The following MID1 variants were observed in gnomAD, a reference collection of about 807,000 sequenced individuals.
MID1 encodes midline 1.
In MID1, 7 loss-of-function variants were observed where a neutral mutation model predicts 40.4. That is an observed-to-expected ratio of 0.17 (90% CI 0.10 to 0.33). MID1 has a LOEUF of 0.33. MID1 is among the 10% of genes least tolerant of loss of function. The probability of loss-of-function intolerance (pLI) is 1.00; values close to 1 mark genes in which losing one functional copy is unlikely to be tolerated. For synonymous variants in MID1, 229 were observed against 221.2 expected, an observed-to-expected ratio of 1.04 and a Z score of -0.31; for missense variants, 367 against 558.5, an observed-to-expected ratio of 0.66 and a Z score of 3.46.
chrX:10,516,647 C>T (rs1932462331), intron 3 of MID1, among the ~76,000 whole-genome samples: 2 of 108,994 alleles, frequency 1.8e-5, no homozygotes, highest in Non-Finnish European at 3.8e-5. Context: ...GACAGGGTCT[C>T]ACTCTGTCAC....
intron 1 of MID1, among the ~76,000 whole-genome samples, chrX:10,645,470 A>G (rs1426977653): frequency 2.7e-5 from 3 of 112,380 alleles, no homozygotes; most frequent in African/African-American, 9.7e-5. Flanking sequence ...TTGGTGCAAG[A>G]GTAGACTACA....
At position 10,446,000 on chromosome X, in the gene MID1, C is replaced by G. The variant is rs1928020601; in HGVS notation, c.*3368G>C. Reference sequence around the variant, plus strand: ...CTGTTGATATTTGAGCAAGACAACTCTTCGTGGTCGGGGGCTGCGCTTGCA... The same window carrying G: ...CTGTTGATATTTGAGCAAGACAACTGTTCGTGGTCGGGGGCTGCGCTTGCA... On this transcript the variant is annotated 3_prime_UTR_variant, in exon 10 of 10. Coordinates refer to ENST00000317552, the MANE Select transcript of MID1 (RefSeq NM_000381.4). 1 of 111,354 alleles carries G rather than the reference C, an allele frequency of 9.0e-6. No homozygotes were observed. Among genetic ancestry groups the G allele is most frequent in the Admixed American group, 9.5e-5 (1 of 10,473 alleles). 9.2% of individuals were successfully genotyped at this position (111,354 alleles called of 1,213,427 possible).
intron 1 of MID1, among the ~76,000 whole-genome samples, chrX:10,746,786 ATAAG>A (rs2043560575): frequency 9.2e-6 from 1 of 109,086 alleles, no homozygotes; most frequent in Admixed American, 9.8e-5. Flanking sequence ...CTTTACTTTA[ATAAG>A]TAAGTATTAT....
chrX:10,647,092 T>C (rs1477277196), intron 1 of MID1, among the ~76,000 whole-genome samples: 1 of 111,412 alleles, frequency 9.0e-6, no homozygotes, highest in Non-Finnish European at 1.9e-5. Context: ...TGAATTAGGG[T>C]ATATATGGCA....
chrX:10,705,960 G>A (rs928831708), intron 1 of MID1, among the ~76,000 whole-genome samples: 1 of 111,973 alleles, frequency 8.9e-6, no homozygotes, highest in African/African-American at 3.2e-5. Flanking sequence ...CATCCTCATG[G>A]AACTCACAAC....
chrX:10,565,721 C>G (rs1934501716), intron 2 of MID1, among the ~76,000 whole-genome samples: 2 of 111,670 alleles, frequency 1.8e-5, no homozygotes, highest in East Asian at 5.6e-4. Context: ...AATAATTAGA[C>G]CCACTGTTGC....
chrX:10,811,967 T>G (rs1358619373), intron 1 of MID1, among the ~76,000 whole-genome samples: 2 of 112,316 alleles, frequency 1.8e-5, no homozygotes, highest in Non-Finnish European at 3.8e-5. Flanking sequence ...AAGGTTTTTT[T>G]GTTATGTCAT....
chrX:10,527,701 G>C (rs532527860), intron 2 of MID1, among the ~76,000 whole-genome samples: 7 of 111,255 alleles, frequency 6.3e-5, no homozygotes, highest in African/African-American at 2.3e-4. Context: ...GCCCTCAAGT[G>C]GCAATTACTG....
intron 1 of MID1, among the ~76,000 whole-genome samples, chrX:10,669,205 G>A (rs189148141): frequency 0.019 from 1,702 of 90,724 alleles, 48 homozygotes; most frequent in African/African-American, 0.069. Flanking sequence ...CGGCCTGGGC[G>A]ACAGAGTGAG....
intron 1 of MID1, among the ~76,000 whole-genome samples, chrX:10,577,705 G>T (rs1934909726): frequency 9.2e-6 from 1 of 108,302 alleles, no homozygotes; most frequent in South Asian, 4.0e-4. Flanking sequence ...TAGCAAATCT[G>T]TGATGGGTGT....
chrX:10,681,200 A>C (rs2043058463), intron 1 of MID1, among the ~76,000 whole-genome samples: 1 of 111,262 alleles, frequency 9.0e-6, no homozygotes, highest in African/African-American at 3.3e-5. Flanking sequence ...AATTGGTTAC[A>C]AAAATTGTGG....
At chrX:10,736,612 T>C (rs2043489762) in intron 1 of MID1, among the ~76,000 whole-genome samples, 1 of 112,290 alleles carries the variant, frequency 8.9e-6, no homozygotes, top group Non-Finnish European at 1.9e-5. Flanking sequence ...CATGTAGACT[T>C]AGTCCATTAA....
chrX:10,464,035 A>G (rs1212843935), intron 7 of MID1, among the ~76,000 whole-genome samples: 1 of 112,155 alleles, frequency 8.9e-6, no homozygotes, highest in Non-Finnish European at 1.9e-5. Context: ...ACCCGGTGAG[A>G]GTATCCCAGT....
intron 1 of MID1, among the ~76,000 whole-genome samples, chrX:10,736,173 G>T (rs1189098754): frequency 1.8e-5 from 2 of 110,683 alleles, no homozygotes; most frequent in East Asian, 5.7e-4. Flanking sequence ...TAGAGACGGG[G>T]TTTCACCGTG....
chrX:10,763,911 A>G (rs1206741863), intron 1 of MID1, among the ~76,000 whole-genome samples: 1 of 112,299 alleles, frequency 8.9e-6, no homozygotes, highest in Non-Finnish European at 1.9e-5. Flanking sequence ...TTTCTCTGAT[A>G]GCCAGTGATG....
chrX:10,796,910 T>C (rs1304450800), intron 1 of MID1, among the ~76,000 whole-genome samples: 1 of 111,710 alleles, frequency 9.0e-6, no homozygotes, highest in Non-Finnish European at 1.9e-5. Context: ...GGTGTCTAAA[T>C]GCTTCCAAAT....
chrX:10,687,628 T>C (rs1283497722), intron 1 of MID1, among the ~76,000 whole-genome samples: 1 of 112,656 alleles, frequency 8.9e-6, no homozygotes, highest in African/African-American at 3.2e-5. Flanking sequence ...AAGTTCTTTG[T>C]GCCTATTGCG....
chrX:10,505,492 C>T (rs183972462), intron 3 of MID1: 5 of 752,717 alleles, frequency 6.6e-6, no homozygotes, highest in African/African-American at 2.3e-5. Flanking sequence ...CACACCCTTC[C>T]GTTTGGGCTG....
intron 2 of MID1, among the ~76,000 whole-genome samples, chrX:10,528,352 T>C (rs1412568306): frequency 8.9e-6 from 1 of 112,316 alleles, no homozygotes; most frequent in Non-Finnish European, 1.9e-5. Context: ...CTGATATGTT[T>C]TACACTTATG....
Sources: gnomAD v4.1 joint callset for allele counts (sites outside exome capture counted in the v4.1 genomes callset) on GRCh38, gnomAD v4.1.1 for gene constraint, MANE v1.5 for transcripts, NCBI Gene and HGNC (gene_info 2026-07-23, HGNC 2026-07-21) for gene names.